Variants in ZNG1A observed in about 807,000 individuals in gnomAD.
ZNG1A encodes Zn regulated GTPase metalloprotein activator 1A.
chr9:154,432 A>C, the ZNG1A span: 6 of 498,082 alleles, frequency 1.2e-5, no homozygotes, highest in South Asian at 3.7e-5. Context: ...TGACATTAGG[A>C]AAGAGTCAAA....
the ZNG1A span, chr9:172,387 T>C: frequency 3.9e-6 from 2 of 518,568 alleles, no homozygotes; most frequent in Admixed American, 3.5e-5. Flanking sequence ...AAAGAAATCA[T>C]ATACATAATA....
At chr9:143,269 G>C in the ZNG1A span, among the ~76,000 whole-genome samples, 1 of 148,894 alleles carries the variant, frequency 6.7e-6, no homozygotes, top group Non-Finnish European at 1.5e-5. Flanking sequence ...CAATATCCTT[G>C]ATGAACATTG....
chr9:145,802 G>A, the ZNG1A span, among the ~76,000 whole-genome samples: 1 of 151,932 alleles, frequency 6.6e-6, no homozygotes, highest in Non-Finnish European at 1.5e-5. Context: ...AATTTTCTAT[G>A]TATTTCATGC....
the ZNG1A span, among the ~76,000 whole-genome samples, chr9:162,784 A>C: frequency 1.3e-5 from 2 of 150,842 alleles, no homozygotes; most frequent in Non-Finnish European, 3.0e-5. Flanking sequence ...CCAAAATATA[A>C]GTCAAATTTC....
At chr9:173,772 T>G in the ZNG1A span, among the ~76,000 whole-genome samples, 1 of 152,156 alleles carries the variant, frequency 6.6e-6, no homozygotes, top group East Asian at 1.9e-4. Context: ...ATCTATCTTT[T>G]TCTTTTCATT....
chr9:140,059 A>C, the ZNG1A span, among the ~76,000 whole-genome samples: 1 of 150,670 alleles, frequency 6.6e-6, no homozygotes, highest in Non-Finnish European at 1.5e-5. Flanking sequence ...CTGAGATCAA[A>C]CTGCAAGGCG....
chr9:130,571 A>G, the ZNG1A span, among the ~76,000 whole-genome samples: 82 of 78,926 alleles, frequency 1.0e-3, 16 homozygotes, highest in African/African-American at 3.4e-3. Context: ...AGCTAGGATT[A>G]CAGGTACATG....
chr9:127,519 G>C, the ZNG1A span, among the ~76,000 whole-genome samples: 1 of 152,188 alleles, frequency 6.6e-6, no homozygotes, highest in Non-Finnish European at 1.5e-5. Flanking sequence ...TTTGGTGTCC[G>C]TTTGCATGAA....
chr9:139,432 G>C, the ZNG1A span, among the ~76,000 whole-genome samples: 27 of 149,554 alleles, frequency 1.8e-4, 1 homozygote, highest in South Asian at 1.1e-3. Flanking sequence ...ACATTCCAGA[G>C]ATCTGCTGCA....
the ZNG1A span, among the ~76,000 whole-genome samples, chr9:124,891 CT>C: frequency 6.6e-6 from 1 of 150,940 alleles, no homozygotes; most frequent in Non-Finnish European, 1.5e-5. Context: ...TAATTCACTC[CT>C]TTTTATGGCT....
the ZNG1A span, chr9:145,984 T>C: frequency 2.2e-6 from 2 of 907,976 alleles, no homozygotes; most frequent in South Asian, 1.8e-5. Flanking sequence ...AATGGTCTTG[T>C]ATGCCAAAGG....
chr9:132,246 G>A, the ZNG1A span, among the ~76,000 whole-genome samples: 38 of 149,030 alleles, frequency 2.5e-4, 4 homozygotes, highest in African/African-American at 9.2e-4. Flanking sequence ...CATTGAGGCC[G>A]GGCACAGTGG....
chr9:177,685 A>G, the ZNG1A span: 3 of 1,293,162 alleles, frequency 2.3e-6, no homozygotes, highest in African/African-American at 1.5e-5. Flanking sequence ...CTCACTCCTG[A>G]GCTTCAGATC....
the ZNG1A span, among the ~76,000 whole-genome samples, chr9:133,900 T>C: frequency 6.1e-4 from 91 of 149,552 alleles, no homozygotes; most frequent in African/African-American, 1.5e-3. Flanking sequence ...ACCGCCACAA[T>C]AGAGGTTCAT....
chr9:160,338 T>C, the ZNG1A span, among the ~76,000 whole-genome samples: 13 of 152,008 alleles, frequency 8.6e-5, no homozygotes, highest in East Asian at 2.5e-3. Flanking sequence ...TGTCATTACT[T>C]GTACTGCCTC....
the ZNG1A span, among the ~76,000 whole-genome samples, chr9:174,162 C>A: frequency 4.1e-5 from 6 of 147,832 alleles, no homozygotes; most frequent in African/African-American, 1.5e-4. Flanking sequence ...AAAAAAAAAA[C>A]CTAAACTTTT....
At chr9:163,932 A>AC in the ZNG1A span, 1 of 1,562,836 alleles carries the variant, frequency 6.4e-7, no homozygotes, top group African/African-American at 1.4e-5. Context: ...TCTCAGAAAA[A>AC]AAAAAAAAAA....
the ZNG1A span, chr9:146,117 C>A: frequency 6.4e-7 from 1 of 1,565,796 alleles, no homozygotes; most frequent in Admixed American, 1.8e-5. Flanking sequence ...TCCAGAGAGA[C>A]TATCAAAGGC....
the ZNG1A span, chr9:162,429 T>C: frequency 1.7e-4 from 248 of 1,497,646 alleles, 8 homozygotes; most frequent in South Asian, 2.8e-3. Flanking sequence ...TCTTTCAACT[T>C]ACTTTTAATC....
Sources: gnomAD v4.1 joint callset for allele counts (sites outside exome capture counted in the v4.1 genomes callset) on GRCh38, gnomAD v4.1.1 for gene constraint, MANE v1.5 for transcripts, NCBI Gene and HGNC (gene_info 2026-07-23, HGNC 2026-07-21) for gene names.